Variants in DLGAP4 observed in about 807,000 individuals in gnomAD.
DLGAP4 encodes the protein disks large-associated protein 4.
DLGAP4 carries 18 observed loss-of-function variants against 86.9 expected under a neutral mutation model. The ratio of observed to expected loss-of-function variants is 0.21; its 90% CI spans 0.14 to 0.31. The LOEUF is 0.31. Among genes scored for constraint, DLGAP4 ranks in the 10% least tolerant of loss-of-function variants. The pLI, the probability that DLGAP4 is intolerant of heterozygous loss-of-function variation, is 1.00. For missense variants in DLGAP4, 1,085 were observed against 1,362.6 expected, an observed-to-expected ratio of 0.80 and a Z score of 3.21; for synonymous variants, 548 against 574.3, an observed-to-expected ratio of 0.95 and a Z score of 0.65.
chr20:36,452,517 CTTT>C (rs35771997), intron 7 of DLGAP4, among the ~76,000 whole-genome samples: 5 of 132,068 alleles, frequency 3.8e-5, no homozygotes, highest in Admixed American at 7.7e-5. Context: ...TCTTGTAAAT[CTTT>C]TTTTTTTTTT....
At chr20:36,462,089 G>T in intron 7 of DLGAP4, 2 of 992,606 alleles carry the variant, frequency 2.0e-6, no homozygotes, top group Non-Finnish European at 2.4e-6. Flanking sequence ...ACCCCAAGTC[G>T]CTGGGGTCTC....
intron 7 of DLGAP4, 73 bp from the exon 8 acceptor site, chr20:36,496,632 T>C: frequency 6.5e-7 from 1 of 1,527,572 alleles, no homozygotes; most frequent in South Asian, 1.3e-5. Context: ...GGCTTCTGCA[T>C]TGGAAGGGGC....
At chr20:36,331,691 G>A (rs1555891568) in intron 1 of DLGAP4, among the ~76,000 whole-genome samples, 1 of 152,224 alleles carries the variant, frequency 6.6e-6, no homozygotes, top group Non-Finnish European at 1.5e-5. Context: ...AGCACCTACT[G>A]TGTGCCCTGG....
At chr20:36,332,404 G>C (rs1026712172) in intron 1 of DLGAP4, among the ~76,000 whole-genome samples, 1 of 151,190 alleles carries the variant, frequency 6.6e-6, no homozygotes, top group African/African-American at 2.4e-5. Flanking sequence ...TTGTTTCTTT[G>C]TTTGAGACAG....
rs945022365 is a variant in DLGAP4 at position 36,510,985 on chromosome 20, T to C, written c.2512+10374T>C. The C allele has an allele frequency of 8.5e-5, 13 of 152,356 alleles. No individual in the cohort carries two copies. In the East Asian group the frequency reaches 1.2e-3, roughly 14 times the overall value. 9.4% of individuals were successfully genotyped at this position (152,356 alleles called of 1,614,324 possible). ...ATCTTCATTCTTCCAATATAAATTA[T>C]AGAATTTGTATATCAAGTTCCTCAG... is the stretch of plus-strand genomic sequence containing the variant. On this transcript the variant is annotated intron_variant, in intron 10 of 12. Coordinates refer to ENST00000339266, the MANE Select transcript of DLGAP4 (RefSeq NM_001365621.2).
At chr20:36,321,927 C>T (rs2065172743) in intron 1 of DLGAP4, among the ~76,000 whole-genome samples, 1 of 152,202 alleles carries the variant, frequency 6.6e-6, no homozygotes, top group Non-Finnish European at 1.5e-5. Context: ...CAGATAGATT[C>T]ATTCATTCAT....
At chr20:36,358,125 T>C (rs569521654) in intron 1 of DLGAP4, among the ~76,000 whole-genome samples, 108 of 152,332 alleles carry the variant, frequency 7.1e-4, no homozygotes, top group African/African-American at 2.4e-3. Flanking sequence ...CCATACTCAC[T>C]GCTAATTCTG....
intron 2 of DLGAP4, among the ~76,000 whole-genome samples, chr20:36,396,328 CACACACACGCACACACACACA>C (rs2031949605): frequency 3.2e-5 from 1 of 31,458 alleles, no homozygotes; most frequent in Non-Finnish European, 7.6e-5. Flanking sequence ...CCAGCACACA[CACACACACGCACACACACACA>C]CACATACCAC....
chr20:36,402,165 G>A (rs2032182167), intron 2 of DLGAP4, among the ~76,000 whole-genome samples: 1 of 152,214 alleles, frequency 6.6e-6, no homozygotes, highest in Admixed American at 6.5e-5. Context: ...CCTGGCCCCA[G>A]GTTCCGTGCT....
At chr20:36,518,020 A>AG in intron 10 of DLGAP4, among the ~76,000 whole-genome samples, 1 of 152,314 alleles carries the variant, frequency 6.6e-6, no homozygotes, top group Non-Finnish European at 1.5e-5. Context: ...CAGGAGTTCA[A>AG]GACCAGCCTG....
intron 2 of DLGAP4, among the ~76,000 whole-genome samples, chr20:36,409,269 C>T (rs1219105582): frequency 6.6e-6 from 1 of 152,014 alleles, no homozygotes; most frequent in Non-Finnish European, 1.5e-5. Flanking sequence ...AACTCTTGGT[C>T]TTCAACTCCT....
At chr20:36,349,538 G>A (rs1461813700) in intron 1 of DLGAP4, among the ~76,000 whole-genome samples, 2 of 152,164 alleles carry the variant, frequency 1.3e-5, no homozygotes, top group Non-Finnish European at 2.9e-5. Flanking sequence ...TTAATGGAAA[G>A]GGGGCTCTGA....
intron 7 of DLGAP4, among the ~76,000 whole-genome samples, chr20:36,472,379 T>C (rs560664498): frequency 1.3e-5 from 2 of 151,870 alleles, no homozygotes; most frequent in Non-Finnish European, 2.9e-5. Context: ...GGTGCACACC[T>C]GTATTCTTAG....
intron 7 of DLGAP4, among the ~76,000 whole-genome samples, chr20:36,486,265 G>A (rs1159438426): frequency 6.6e-6 from 1 of 152,136 alleles, no homozygotes. Flanking sequence ...GTAGAGGAGA[G>A]AGACCAAAGA....
At chr20:36,487,909 G>C (rs6022356) in intron 7 of DLGAP4, among the ~76,000 whole-genome samples, 2 of 152,106 alleles carry the variant, frequency 1.3e-5, no homozygotes, top group Admixed American at 1.3e-4. Context: ...CCATGTAAAA[G>C]GCAGTTAGTG....
chr20:36,366,671 C>T (rs1010815298), intron 1 of DLGAP4, among the ~76,000 whole-genome samples: 43 of 152,182 alleles, frequency 2.8e-4, no homozygotes, highest in Non-Finnish European at 1.3e-4. Context: ...GGGATTTGAA[C>T]TCAGGACTGC....
intron 2 of DLGAP4, among the ~76,000 whole-genome samples, chr20:36,400,438 T>C (rs1026219209): frequency 9.2e-5 from 14 of 152,256 alleles, no homozygotes; most frequent in African/African-American, 3.1e-4. Context: ...AGTCGTATTA[T>C]AAATTACTTT....
intron 7 of DLGAP4, among the ~76,000 whole-genome samples, chr20:36,490,273 CCCTGAT>C: frequency 6.6e-6 from 1 of 152,282 alleles, no homozygotes; most frequent in East Asian, 1.9e-4. Context: ...GGCAATGTGT[CCCTGAT>C]CCTGACCTAG....
intron 7 of DLGAP4, chr20:36,461,784 G>C (rs983546809): frequency 2.5e-6 from 2 of 786,356 alleles, no homozygotes; most frequent in South Asian, 1.2e-4. Flanking sequence ...CTTCCGTCCT[G>C]TCCAGCCGCC....
Sources: allele counts gnomAD v4.1 joint callset (sites outside exome capture counted in the v4.1 genomes callset), GRCh38; gene constraint gnomAD v4.1.1; transcripts MANE v1.5; gene names NCBI Gene and HGNC (gene_info 2026-07-23, HGNC 2026-07-21).